The following ROBO1 variants were observed in gnomAD, a reference collection of about 807,000 sequenced individuals.
ROBO1 encodes the protein roundabout homolog 1.
Under a neutral mutation model 195.9 loss-of-function variants are expected in ROBO1, and 149 were observed. The ratio of observed to expected loss-of-function variants is 0.76; its 90% CI spans 0.67 to 0.87. The LOEUF (loss-of-function observed/expected upper bound fraction) is 0.87. Ranked by LOEUF, ROBO1 falls within the 40% of genes least tolerant of loss-of-function variation. The pLI is 0.00. For missense variants in ROBO1, 1,933 were observed against 2,068.3 expected (o/e 0.93, Z 1.27); for synonymous variants, 816 against 733.2 (o/e 1.11, Z -1.82).
chr3:79,089,480 T>C (rs950001440), intron 3 of ROBO1, among the ~76,000 whole-genome samples: 19 of 152,178 alleles, frequency 1.2e-4, no homozygotes, highest in African/African-American at 4.3e-4. Context: ...TTTGTCACTA[T>C]TACAAACAAC....
intron 2 of ROBO1, among the ~76,000 whole-genome samples, chr3:79,549,218 T>A (rs1942384705): frequency 6.6e-6 from 1 of 152,238 alleles, no homozygotes; most frequent in Admixed American, 6.5e-5. Context: ...CATTTATGTT[T>A]CAGATAGAAA....
chr3:79,293,990 G>A (rs552831343), intron 2 of ROBO1, among the ~76,000 whole-genome samples: 31 of 141,830 alleles, frequency 2.2e-4, no homozygotes, highest in Middle Eastern at 3.9e-3. Context: ...CCCGGGAGGC[G>A]GAGCTTGCAG....
chr3:78,911,547 A>T (rs1233761115), intron 4 of ROBO1, among the ~76,000 whole-genome samples: 1 of 152,000 alleles, frequency 6.6e-6, no homozygotes, highest in Non-Finnish European at 1.5e-5. Context: ...CTTGGACAGG[A>T]GAAATGGAAA....
intron 2 of ROBO1, among the ~76,000 whole-genome samples, chr3:79,414,572 AG>A (rs1223658895): frequency 6.6e-6 from 1 of 152,286 alleles, no homozygotes; most frequent in East Asian, 1.9e-4. Flanking sequence ...AGATAAATAA[AG>A]AAACCTCATT....
chr3:79,406,596 T>TGC (rs1419328831), intron 2 of ROBO1, among the ~76,000 whole-genome samples: 1 of 151,872 alleles, frequency 6.6e-6, no homozygotes, highest in Non-Finnish European at 1.5e-5. Context: ...GGTGTGTGTG[T>TGC]GTGTTTGGGG....
At chr3:79,094,996 G>T (rs1157127501) in intron 3 of ROBO1, among the ~76,000 whole-genome samples, 1 of 146,838 alleles carries the variant, frequency 6.8e-6, no homozygotes, top group Non-Finnish European at 1.5e-5. Flanking sequence ...TACCTACTAT[G>T]ACTACCATGA....
chr3:78,979,006 G>C (rs960595745), intron 3 of ROBO1, among the ~76,000 whole-genome samples: 10 of 152,110 alleles, frequency 6.6e-5, no homozygotes, highest in Non-Finnish European at 8.8e-5. Context: ...CTTATTCATG[G>C]TTAAGTAATT....
rs201271022 is a variant in ROBO1 at position 78,661,161 on chromosome 3, G to A, written c.2189C>T (p.Thr730Met). The A allele has an allele frequency of 1.0e-4, 168 of 1,613,532 alleles. No homozygotes were observed. In the Middle Eastern group the frequency reaches 1.3e-3, roughly 13 times the overall value. Reference sequence around the variant, plus strand: ...GATTACCACACTGTTTTTGGCTGGCGTCCTCACTTCAAAAACTAACCAGTC... The same window carrying A: ...GATTACCACACTGTTTTTGGCTGGCATCCTCACTTCAAAAACTAACCAGTC... ...ESDWLVFEVR[T>M]PAKNSVVIPD... The change falls in exon 16 of 31, where the codon ACG becomes ATG. Residue 730 changes from threonine to methionine, a missense_variant. Physicochemically the swap from Thr to Met is moderately conservative, Grantham distance 81 (BLOSUM62 -1). Around this residue, in one of 3 missense-constraint regions of ROBO1, gnomAD observed 1,737 missense variants for 1,882.5 expected, o/e 0.92. Transcript: ENST00000464233.
intron 21 of ROBO1, among the ~76,000 whole-genome samples, chr3:78,645,131 A>T (rs1211378363): frequency 6.6e-6 from 1 of 152,098 alleles, no homozygotes; most frequent in African/African-American, 2.4e-5. Flanking sequence ...AGGTATGAAA[A>T]CAGGAAGTTA....
At chr3:79,222,794 C>A (rs6792319) in intron 2 of ROBO1, among the ~76,000 whole-genome samples, 2 of 152,128 alleles carry the variant, frequency 1.3e-5, no homozygotes, top group South Asian at 4.1e-4. Flanking sequence ...TTGGTTATGT[C>A]TGGTGAATAA....
intron 4 of ROBO1, among the ~76,000 whole-genome samples, chr3:78,864,391 T>C (rs1250362168): frequency 2.0e-5 from 3 of 152,176 alleles, no homozygotes; most frequent in Admixed American, 6.5e-5. Context: ...AGGAAGCATA[T>C]ACATGAGGGT....
intron 2 of ROBO1, among the ~76,000 whole-genome samples, chr3:79,157,979 T>C (rs531301023): frequency 3.3e-4 from 50 of 152,080 alleles, no homozygotes; most frequent in African/African-American, 1.1e-3. Flanking sequence ...AAGTGATCCT[T>C]GTTTTCAGTT....
At chr3:79,484,755 C>CTTTTTATTTTTTTTT (rs1939062487) in intron 2 of ROBO1, among the ~76,000 whole-genome samples, 1 of 66,884 alleles carries the variant, frequency 1.5e-5, no homozygotes, top group Non-Finnish European at 2.7e-5. Context: ...ATTGCACTAT[C>CTTTTTATTTTTTTTT]TTTTTTTTTT....
chr3:79,743,807 C>T (rs888961097), intron 1 of ROBO1, among the ~76,000 whole-genome samples: 5 of 152,054 alleles, frequency 3.3e-5, no homozygotes, highest in Admixed American at 6.6e-5. Context: ...ATCCAGGATC[C>T]GGGTCATCAA....
chr3:79,437,553 T>A lies in ROBO1; in HGVS notation c.88+152271A>T, dbSNP rs549879665. ...AACTTACACAAATGATAATCAACAA[T>A]AAAATGTGCAAGTTGAGACATATTA... is the stretch of plus-strand genomic sequence containing the variant. On this transcript the variant is annotated intron_variant, in intron 2 of 30. Coordinates refer to ENST00000464233, the MANE Select transcript of ROBO1 (RefSeq NM_002941.4). 2.0e-5 allele frequency among the ~76,000 whole-genome samples: 3 copies of A among 152,034 alleles called. No individual in the cohort carries two copies. The South Asian group carries it at 6.2e-4, about 32-fold the overall frequency.
At chr3:78,744,790 T>C (rs1241152313) in intron 5 of ROBO1, among the ~76,000 whole-genome samples, 14 of 152,312 alleles carry the variant, frequency 9.2e-5, no homozygotes, top group African/African-American at 3.4e-4. Flanking sequence ...CATCTACCTC[T>C]TCACTATTTT....
At chr3:79,571,866 C>A (rs1181237009) in intron 2 of ROBO1, among the ~76,000 whole-genome samples, 1 of 151,870 alleles carries the variant, frequency 6.6e-6, no homozygotes, top group Non-Finnish European at 1.5e-5. Flanking sequence ...TCTATTTTTT[C>A]TGGGCTTCCT....
At chr3:78,916,697 T>G (rs387900) in intron 4 of ROBO1, among the ~76,000 whole-genome samples, 67,341 of 151,976 alleles carry the variant, frequency 0.44, 16,650 homozygotes, top group African/African-American at 0.68. Flanking sequence ...GATTTTGACT[T>G]TAAGTATGGT....
chr3:79,193,072 T>A (rs115058656), intron 2 of ROBO1, among the ~76,000 whole-genome samples: 2,856 of 151,680 alleles, frequency 0.019, 86 homozygotes, highest in African/African-American at 0.064. Flanking sequence ...TCGCCATAGG[T>A]GACATTTACA....
Sources: allele counts gnomAD v4.1 joint callset (sites outside exome capture counted in the v4.1 genomes callset), GRCh38; gene constraint gnomAD v4.1.1; regional missense constraint gnomAD v4.1.1; transcripts MANE v1.5; gene names NCBI Gene and HGNC (gene_info 2026-07-23, HGNC 2026-07-21).